SLC24A2: variants seen among roughly 807,000 people sequenced by gnomAD.
The protein encoded by SLC24A2 is solute carrier family 24 member 2.
A neutral mutation model predicts 62.0 loss-of-function variants in SLC24A2; 36 were observed. That is an observed-to-expected ratio of 0.58 (90% CI 0.44 to 0.77). SLC24A2 has a LOEUF of 0.77. Among genes scored for constraint, SLC24A2 ranks in the 30% least tolerant of loss-of-function variants. The pLI is 0.00. For synonymous variants in SLC24A2, 358 were observed against 294.0 expected (o/e 1.22, Z -2.23); for missense variants, 846 against 817.9 (o/e 1.03, Z -0.42).
the SLC24A2 span, among the ~76,000 whole-genome samples, chr9:20,229,749 ATACTTT>A: frequency 6.6e-6 from 1 of 151,636 alleles, no homozygotes; most frequent in African/African-American, 2.4e-5. Context: ...TATTATTATT[ATACTTT>A]AAGTTTTAGG....
chr9:19,580,335 G>C (rs1420505439), intron 5 of SLC24A2, among the ~76,000 whole-genome samples: 1 of 152,238 alleles, frequency 6.6e-6, no homozygotes, highest in Non-Finnish European at 1.5e-5. Context: ...GCAGTTGAGG[G>C]CCCACCTTCA....
At chr9:20,207,315 C>T in the SLC24A2 span, among the ~76,000 whole-genome samples, 1 of 152,176 alleles carries the variant, frequency 6.6e-6, no homozygotes, top group Non-Finnish European at 1.5e-5. Context: ...CTATGGCTTA[C>T]CCCTGTAGCC....
At chr9:19,931,960 T>C in the SLC24A2 span, among the ~76,000 whole-genome samples, 1 of 152,116 alleles carries the variant, frequency 6.6e-6, no homozygotes, top group Non-Finnish European at 1.5e-5. Context: ...TCTTACTTTT[T>C]CCTCCCATGT....
the SLC24A2 span, among the ~76,000 whole-genome samples, chr9:19,951,199 T>A: frequency 6.6e-6 from 1 of 151,838 alleles, no homozygotes; most frequent in African/African-American, 2.4e-5. Flanking sequence ...CCAATTTCTT[T>A]AAGATTGTAT....
chr9:20,014,868 C>A, the SLC24A2 span, among the ~76,000 whole-genome samples: 1 of 152,034 alleles, frequency 6.6e-6, no homozygotes, highest in South Asian at 2.1e-4. Flanking sequence ...TTCAAAATAA[C>A]AGAGATTATT....
chr9:19,924,942 CA>C, the SLC24A2 span, among the ~76,000 whole-genome samples: 1 of 152,210 alleles, frequency 6.6e-6, no homozygotes, highest in Non-Finnish European at 1.5e-5. Flanking sequence ...GTTCTAGGCT[CA>C]GTACTCTTGA....
chr9:19,859,442 C>G, the SLC24A2 span, among the ~76,000 whole-genome samples: 1 of 152,048 alleles, frequency 6.6e-6, no homozygotes, highest in Non-Finnish European at 1.5e-5. Context: ...ATCAAACCCC[C>G]AAGACATGCA....
At chr9:20,111,656 C>A in the SLC24A2 span, among the ~76,000 whole-genome samples, 1 of 152,092 alleles carries the variant, frequency 6.6e-6, no homozygotes, top group Non-Finnish European at 1.5e-5. Context: ...GAGACAGAAT[C>A]TGCATCTTAA....
chr9:20,258,559 G>A, the SLC24A2 span, among the ~76,000 whole-genome samples: 5 of 152,154 alleles, frequency 3.3e-5, no homozygotes, highest in South Asian at 2.1e-4. Context: ...GTCCTCAGAC[G>A]TCAGCACTCT....
the SLC24A2 span, among the ~76,000 whole-genome samples, chr9:20,100,541 A>C: frequency 6.6e-6 from 1 of 152,234 alleles, no homozygotes; most frequent in Non-Finnish European, 1.5e-5. Context: ...TTCTCATTAG[A>C]CATTAAGTTC....
the SLC24A2 span, among the ~76,000 whole-genome samples, chr9:20,302,089 T>A: frequency 3.9e-5 from 6 of 152,250 alleles, no homozygotes; most frequent in African/African-American, 7.2e-5. Flanking sequence ...TAACGCTGAA[T>A]AATATTCCAT....
the SLC24A2 span, among the ~76,000 whole-genome samples, chr9:20,041,367 A>G: frequency 2.0e-5 from 3 of 152,240 alleles, no homozygotes; most frequent in Non-Finnish European, 4.4e-5. Context: ...TGTTACCGAC[A>G]CATGTTTTTG....
At chr9:20,295,079 CA>C in the SLC24A2 span, among the ~76,000 whole-genome samples, 1 of 148,722 alleles carries the variant, frequency 6.7e-6, no homozygotes, top group East Asian at 2.1e-4. Flanking sequence ...CACACACACA[CA>C]CATACACAGT....
the SLC24A2 span, among the ~76,000 whole-genome samples, chr9:20,094,289 T>C: frequency 6.6e-6 from 1 of 152,206 alleles, no homozygotes; most frequent in Admixed American, 6.5e-5. Flanking sequence ...CACATTTTTC[T>C]GGAAAACCCT....
the SLC24A2 span, among the ~76,000 whole-genome samples, chr9:19,835,202 C>T: frequency 6.6e-6 from 1 of 152,144 alleles, no homozygotes; most frequent in Non-Finnish European, 1.5e-5. Context: ...ATCATAATGA[C>T]AGGATCAAAT....
At chr9:20,053,873 C>T in the SLC24A2 span, among the ~76,000 whole-genome samples, 1 of 152,186 alleles carries the variant, frequency 6.6e-6, no homozygotes, top group Non-Finnish European at 1.5e-5. Flanking sequence ...CAAGACACTC[C>T]TGCGTTTTCT....
chr9:19,580,959 G>T (rs1304854515), intron 5 of SLC24A2, among the ~76,000 whole-genome samples: 1 of 152,116 alleles, frequency 6.6e-6, no homozygotes, highest in Non-Finnish European at 1.5e-5. Context: ...GAGCTGCAGG[G>T]GTCTTCTGTG....
the SLC24A2 span, among the ~76,000 whole-genome samples, chr9:20,082,663 AT>A: frequency 6.6e-6 from 1 of 152,112 alleles, no homozygotes; most frequent in East Asian, 1.9e-4. Context: ...ACTTCTTGAC[AT>A]TTTGCTGTAA....
At chr9:19,967,215 G>A in the SLC24A2 span, 1 of 152,050 alleles carries the variant, frequency 6.6e-6, no homozygotes, top group Admixed American at 6.6e-5. Context: ...TCAGCTCCCA[G>A]CATTAGCATC....
Sources: allele counts gnomAD v4.1 joint callset (sites outside exome capture counted in the v4.1 genomes callset), GRCh38; gene constraint gnomAD v4.1.1; transcripts MANE v1.5; gene names NCBI Gene and HGNC (gene_info 2026-07-23, HGNC 2026-07-21).